PICALM: variants seen among roughly 807,000 people sequenced by gnomAD.
The protein encoded by PICALM is phosphatidylinositol binding clathrin assembly protein.
Under a neutral mutation model 80.5 loss-of-function variants are expected in PICALM, and 40 were observed. The ratio of observed to expected loss-of-function variants is 0.50; its 90% CI spans 0.39 to 0.65. The LOEUF (loss-of-function observed/expected upper bound fraction) is 0.65, where lower values mean the gene tolerates loss of function less well. Ranked by LOEUF, PICALM falls within the 30% of genes least tolerant of loss-of-function variation. The pLI, the probability that PICALM is intolerant of heterozygous loss-of-function variation, is 0.00. For missense variants in PICALM, 676 were observed against 778.9 expected (o/e 0.87, Z 1.57); for synonymous variants, 288 against 260.3 (o/e 1.11, Z -1.02).
At chr11:86,066,268 A>G (rs147665551) in intron 1 of PICALM, among the ~76,000 whole-genome samples, 1 of 152,352 alleles carries the variant, frequency 6.6e-6, no homozygotes, top group African/African-American at 2.4e-5. Context: ...ATTAGTGAGA[A>G]CTGATTACAG....
chr11:85,968,370 C>G (rs1463273989), intron 19 of PICALM, among the ~76,000 whole-genome samples: 1 of 152,106 alleles, frequency 6.6e-6, no homozygotes, highest in Non-Finnish European at 1.5e-5. Flanking sequence ...AAAGGTAATA[C>G]TCTGTATTTT....
intron 19 of PICALM, chr11:85,974,343 C>G (rs1026463270): frequency 2.5e-5 from 9 of 358,560 alleles, no homozygotes; most frequent in Non-Finnish European, 5.1e-5. Context: ...GCTGTAGCAT[C>G]ATTCTAGCCA....
rs2096485648 is a variant in PICALM, at chr11:86,068,933, G to A, written c.-153C>T. On this transcript the variant is annotated 5_prime_UTR_variant, in exon 1 of 20. Coordinates refer to ENST00000393346, the MANE Select transcript of PICALM (RefSeq NM_007166.4). ...GGGGCGCGGTTCGGGGCCGCGCGCT[G>A]CCACCAGTCCAGAGAGAACCGGCTC... 2.0e-6 allele frequency: 2 copies of A among 1,001,132 alleles called. No homozygotes were observed. The highest frequency in any genetic ancestry group is 1.6e-5 in the African/African-American group (1 of 60,830). The allele number at this position is 1,001,132 out of a possible 1,614,324, so 62.0% of individuals were successfully genotyped here.
intron 12 of PICALM, among the ~76,000 whole-genome samples, chr11:85,995,588 T>C (rs1262330922): frequency 6.6e-6 from 1 of 152,192 alleles, no homozygotes; most frequent in African/African-American, 2.4e-5. Flanking sequence ...TATTTGGCCT[T>C]CTATAAAATT....
At chr11:85,986,668 G>A (rs946996303) in intron 13 of PICALM, among the ~76,000 whole-genome samples, 6 of 152,068 alleles carry the variant, frequency 3.9e-5, no homozygotes, top group African/African-American at 1.4e-4. Flanking sequence ...GGGATTACAG[G>A]CGTGAGCCAC....
At position 85,982,121 on chromosome 11, in the gene PICALM, T is replaced by C. The variant is rs927490354; in HGVS notation, c.1517-118A>G. 4 of 825,056 alleles carry C rather than the reference T, an allele frequency of 4.8e-6. No individual in the cohort carries two copies. The African/African-American group carries it at 6.9e-5, about 14-fold the overall frequency. 51.1% of individuals were successfully genotyped at this position (825,056 alleles called of 1,614,324 possible). ...TTCACTGGAAAAGTTATCCAAAAAA[T>C]AGACATTAGTAAATGTCTTTAAATG... On this transcript the variant is annotated intron_variant, in intron 14 of 19. Coordinates refer to ENST00000393346, the MANE Select transcript of PICALM (RefSeq NM_007166.4).
At chr11:85,976,835 G>C in intron 17 of PICALM, 153 bp from the exon 18 acceptor site, 2 of 528,082 alleles carry the variant, frequency 3.8e-6, no homozygotes, top group South Asian at 5.6e-5. Context: ...TCGATTAATG[G>C]TCAGTGAAAA....
intron 1 of PICALM, among the ~76,000 whole-genome samples, chr11:86,068,382 G>T (rs990208965): frequency 3.9e-5 from 6 of 152,190 alleles, no homozygotes; most frequent in Non-Finnish European, 5.9e-5. Flanking sequence ...GTATGATGGG[G>T]TGTGGTAGCG....
At chr11:86,039,053 G>A (rs1418720813) in intron 1 of PICALM, among the ~76,000 whole-genome samples, 1 of 151,502 alleles carries the variant, frequency 6.6e-6, no homozygotes, top group Non-Finnish European at 1.5e-5. Context: ...AGAGGTTGTG[G>A]TGAGCCAAGA....
chr11:86,025,315 G>A (rs143442781), intron 3 of PICALM, among the ~76,000 whole-genome samples: 4,930 of 151,984 alleles, frequency 0.032, 135 homozygotes, highest in East Asian at 0.067. Context: ...CAGGAGAATC[G>A]CTTGAACCCG....
At chr11:86,001,696 G>A (rs1369975726) in intron 9 of PICALM, among the ~76,000 whole-genome samples, 1 of 152,202 alleles carries the variant, frequency 6.6e-6, no homozygotes, top group East Asian at 1.9e-4. Flanking sequence ...CTAGTCATCA[G>A]GCCATTTGGC....
intron 2 of PICALM, among the ~76,000 whole-genome samples, chr11:86,030,815 G>T (rs1488682061): frequency 6.6e-6 from 1 of 152,104 alleles, no homozygotes; most frequent in Non-Finnish European, 1.5e-5. Context: ...AACTATATGA[G>T]ATCAGACAAG....
intron 1 of PICALM, among the ~76,000 whole-genome samples, chr11:86,035,439 G>C (rs1161220913): frequency 6.6e-6 from 1 of 152,124 alleles, no homozygotes; most frequent in Non-Finnish European, 1.5e-5. Context: ...ACTGATACCC[G>C]AATAAGATTT....
chr11:86,062,341 G>C (rs1189879080), intron 1 of PICALM, among the ~76,000 whole-genome samples: 1 of 151,964 alleles, frequency 6.6e-6, no homozygotes, highest in Non-Finnish European at 1.5e-5. Flanking sequence ...ACATGGTGAA[G>C]CCCCATCTCT....
At chr11:85,979,033 A>G (rs1225176654) in intron 17 of PICALM, among the ~76,000 whole-genome samples, 2 of 152,168 alleles carry the variant, frequency 1.3e-5, no homozygotes, top group Non-Finnish European at 2.9e-5. Flanking sequence ...ATGGATTTCA[A>G]CTTAAATCTG....
At chr11:85,973,602 C>T (rs1041382687) in intron 19 of PICALM, among the ~76,000 whole-genome samples, 3 of 152,056 alleles carry the variant, frequency 2.0e-5, no homozygotes, top group African/African-American at 4.8e-5. Context: ...CAGTACTACC[C>T]CATTTTCAGG....
intron 3 of PICALM, among the ~76,000 whole-genome samples, chr11:86,023,839 A>C (rs1389717202): frequency 6.6e-6 from 1 of 152,180 alleles, no homozygotes; most frequent in East Asian, 1.9e-4. Flanking sequence ...TTAAGATTTC[A>C]AAAAGAGGCC....
chr11:85,957,298 T>C lies in PICALM; in HGVS notation c.*1748A>G, dbSNP rs2093563525. Among the ~76,000 whole-genome samples, 1 of 152,230 alleles carries C rather than the reference T, an allele frequency of 6.6e-6. No individual in the cohort carries two copies. The highest frequency in any genetic ancestry group is 2.4e-5 in the African/African-American group (1 of 41,464). ...ACACTTATCAATGCAAAGCTTTTGATCCTTTATCATGTACTCTGAACCCTA... is the reference window on the plus strand; with the variant it reads ...ACACTTATCAATGCAAAGCTTTTGACCCTTTATCATGTACTCTGAACCCTA... On this transcript the variant is annotated 3_prime_UTR_variant, in exon 20 of 20. Coordinates refer to ENST00000393346, the MANE Select transcript of PICALM (RefSeq NM_007166.4).
intron 1 of PICALM, among the ~76,000 whole-genome samples, chr11:86,051,598 T>C (rs144267476): frequency 0.029 from 4,371 of 152,250 alleles, 219 homozygotes; most frequent in African/African-American, 0.1. Flanking sequence ...GAGGCAGAGG[T>C]TGCAGTGAGC....
Sources: allele counts gnomAD v4.1 joint callset (sites outside exome capture counted in the v4.1 genomes callset), GRCh38; gene constraint gnomAD v4.1.1; transcripts MANE v1.5; gene names NCBI Gene and HGNC (gene_info 2026-07-23, HGNC 2026-07-21).